LRRC49: variants seen among roughly 807,000 people sequenced by gnomAD.
The protein encoded by LRRC49 is leucine-rich repeat-containing protein 49.
LRRC49 carries 50 observed loss-of-function variants against 83.3 expected under a neutral mutation model. The observed-to-expected ratio is 0.60, with a 90% confidence interval of 0.48 to 0.76. The LOEUF is 0.76. LRRC49 is among the 30% of genes least tolerant of loss of function. The probability of loss-of-function intolerance (pLI) is 0.00; values close to 1 mark genes in which losing one functional copy is unlikely to be tolerated. For missense variants in LRRC49, 704 were observed against 809.1 expected (o/e 0.87, Z 1.58); for synonymous variants, 286 against 283.3 (o/e 1.01, Z -0.10).
chr15:71,000,416 A>G (rs918670005), intron 11 of LRRC49, among the ~76,000 whole-genome samples: 1 of 152,214 alleles, frequency 6.6e-6, no homozygotes, highest in East Asian at 1.9e-4. Flanking sequence ...GGTAGGATTT[A>G]AAACTTGAAA....
intron 8 of LRRC49, among the ~76,000 whole-genome samples, chr15:70,962,110 C>A (rs1266964798): frequency 6.6e-6 from 1 of 152,074 alleles, no homozygotes; most frequent in Non-Finnish European, 1.5e-5. Flanking sequence ...ATTGGGGGTA[C>A]ACATTAAACA....
intron 2 of LRRC49, among the ~76,000 whole-genome samples, chr15:70,885,122 G>T (rs1363325391): frequency 2.7e-5 from 4 of 147,916 alleles, no homozygotes; most frequent in Non-Finnish European, 4.5e-5. Flanking sequence ...ATATCCGATT[G>T]CTTCTTCAGA....
chr15:70,889,465 G>C (rs969943936), upstream of LRRC49, among the ~76,000 whole-genome samples: 1 of 152,116 alleles, frequency 6.6e-6, no homozygotes. Context: ...CTGTTTCTTT[G>C]ACTTGGGTTG....
rs372195314 is a variant in LRRC49, at chr15:71,008,555, T to C, written c.1346T>C (p.Ile449Thr). The C allele has an allele frequency of 1.9e-6, 3 of 1,612,752 alleles. No individual in the cohort carries two copies. The highest frequency in any genetic ancestry group is 2.5e-6 in the Non-Finnish European group (3 of 1,179,136). ...GMITTVSFTF[I>T]EFDEIVQVLP... ...ATCACAACAGTCTCCTTCACTTTCA[T>C]AGAATTTGATGAAATCGTCCAAGTG... Residue 449 changes from isoleucine to threonine, a missense_variant, in exon 12 of 16, where the codon ATA (isoleucine) becomes ACA (threonine). By Grantham distance (89) the Ile-to-Thr change is moderately conservative. Around this residue, in one of 3 missense-constraint regions of LRRC49, gnomAD observed 275 missense variants for 338.0 expected, o/e 0.81. Coordinates refer to ENST00000260382, the MANE Select transcript of LRRC49 (RefSeq NM_017691.5).
chr15:70,881,809 C>G (rs1443401500), intron 2 of LRRC49: 1 of 152,164 alleles, frequency 6.6e-6, no homozygotes, highest in Non-Finnish European at 1.5e-5. Flanking sequence ...CTGATGCAAA[C>G]AGATTTCATT....
chr15:71,030,996 C>T (rs1038300543), intron 14 of LRRC49, among the ~76,000 whole-genome samples: 3 of 151,982 alleles, frequency 2.0e-5, no homozygotes, highest in African/African-American at 7.2e-5. Flanking sequence ...CTTCTGAAGC[C>T]TACTTCTGTC....
chr15:71,046,835 A>G (rs1046569838), intron 15 of LRRC49, among the ~76,000 whole-genome samples: 11 of 152,194 alleles, frequency 7.2e-5, no homozygotes, highest in Non-Finnish European at 1.2e-4. Flanking sequence ...CCTTTAAATT[A>G]TTAATCCCTT....
chr15:70,876,579 G>A (rs1484301447), intron 2 of LRRC49, among the ~76,000 whole-genome samples: 1 of 152,148 alleles, frequency 6.6e-6, no homozygotes, highest in Non-Finnish European at 1.5e-5. Flanking sequence ...CCTTTCTCCC[G>A]AGATTGGCTC....
At chr15:70,976,467 C>T (rs2037211068) in intron 9 of LRRC49, among the ~76,000 whole-genome samples, 1 of 152,144 alleles carries the variant, frequency 6.6e-6, no homozygotes, top group African/African-American at 2.4e-5. Context: ...TCATAAAATG[C>T]TGCCTATATT....
chr15:70,980,320 C>G (rs1474110669), intron 10 of LRRC49, 136 bp downstream of exon 10: 3 of 493,982 alleles, frequency 6.1e-6, no homozygotes, highest in Non-Finnish European at 1.1e-5. Flanking sequence ...ATGTACGTAC[C>G]CCTAAAACTT....
At chr15:70,862,524 G>T (rs1323708248) in intron 1 of LRRC49, among the ~76,000 whole-genome samples, 1 of 143,064 alleles carries the variant, frequency 7.0e-6, no homozygotes, top group Non-Finnish European at 1.5e-5. Flanking sequence ...GTTGCAGTGA[G>T]CTGAGATTGT....
chr15:70,959,853 CAG>C (rs2036545897), intron 8 of LRRC49, among the ~76,000 whole-genome samples: 1 of 152,100 alleles, frequency 6.6e-6, no homozygotes, highest in South Asian at 2.1e-4. Flanking sequence ...TTAAAATAAA[CAG>C]ATGATCAAAG....
chr15:71,031,277 G>C (rs2141289978), intron 14 of LRRC49, among the ~76,000 whole-genome samples: 1 of 152,294 alleles, frequency 6.6e-6, no homozygotes, highest in East Asian at 1.9e-4. Context: ...GCTGCAGTTT[G>C]CTGGAGGTCC....
At chr15:70,862,142 G>A (rs1188117726) in intron 1 of LRRC49, among the ~76,000 whole-genome samples, 3 of 152,158 alleles carry the variant, frequency 2.0e-5, no homozygotes, top group Non-Finnish European at 4.4e-5. Context: ...CCTGAAGGGC[G>A]AGCCCACCCT....
At position 70,919,184 on chromosome 15, in the gene LRRC49, C is replaced by A; in HGVS notation, c.702C>A (p.Ile234=). ...LTELNLRHNQ[I]TFVRDVDNLP... ...AACTTAACTTGCGACACAATCAAAT[C>A]ACTTTCGTGGTGAGTATTAAAATGG... The change falls in exon 7 of 16, where the codon ATC becomes ATA. Residue 234 remains isoleucine (I), a synonymous_variant. Coordinates refer to ENST00000260382, the MANE Select transcript of LRRC49 (RefSeq NM_017691.5). 1 of 1,611,156 alleles carries A rather than the reference C, an allele frequency of 6.2e-7. No individual in the cohort carries two copies. Among genetic ancestry groups the A allele is most frequent in the South Asian group, 1.1e-5 (1 of 90,274 alleles).
chr15:70,894,459 C>T (rs547629479), intron 2 of LRRC49: 10 of 331,056 alleles, frequency 3.0e-5, no homozygotes, highest in Middle Eastern at 4.2e-4. Context: ...GATTTTTTTC[C>T]CCAAGATTAT....
chr15:71,004,278 C>G (rs917439999), intron 11 of LRRC49, among the ~76,000 whole-genome samples: 1 of 151,892 alleles, frequency 6.6e-6, no homozygotes. Flanking sequence ...GAGTGTATAC[C>G]CAAAGGAATA....
intron 1 of LRRC49, among the ~76,000 whole-genome samples, chr15:70,864,733 G>A (rs986503854): frequency 3.3e-5 from 5 of 152,170 alleles, no homozygotes; most frequent in Non-Finnish European, 7.3e-5. Flanking sequence ...GACATTCAAT[G>A]CTGTCCATAA....
At chr15:70,864,473 A>C (rs11072225) in intron 1 of LRRC49, among the ~76,000 whole-genome samples, 82,939 of 151,802 alleles carry the variant, frequency 0.55, 23,422 homozygotes, top group Admixed American at 0.69. Flanking sequence ...GAAGGCCTAG[A>C]GCATTCTGGC....
Sources: allele counts gnomAD v4.1 joint callset (sites outside exome capture counted in the v4.1 genomes callset), GRCh38; gene constraint gnomAD v4.1.1; regional missense constraint gnomAD v4.1.1; transcripts MANE v1.5; gene names NCBI Gene and HGNC (gene_info 2026-07-23, HGNC 2026-07-21).